The following CPED1 variants were observed in gnomAD, a reference collection of about 807,000 sequenced individuals.
The protein encoded by CPED1 is cadherin-like and PC-esterase domain-containing protein 1.
In CPED1, 114 loss-of-function variants were observed where a neutral mutation model predicts 128.2. The ratio of observed to expected loss-of-function variants is 0.89; its 90% CI spans 0.76 to 1.04. CPED1 has a LOEUF of 1.04. Among genes scored for constraint, CPED1 ranks in the 50% least tolerant of loss-of-function variants. CPED1 has a pLI of 0.00. For synonymous variants in CPED1, 462 were observed against 426.7 expected (o/e 1.08, Z -1.02); for missense variants, 1,211 against 1,207.1 (o/e 1.00, Z -0.05).
At chr7:121,229,284 T>C (rs184868262) in intron 16 of CPED1, among the ~76,000 whole-genome samples, 3 of 152,170 alleles carry the variant, frequency 2.0e-5, no homozygotes, top group Admixed American at 6.6e-5. Flanking sequence ...AATAGACAAA[T>C]GCTTATAGCC....
intron 16 of CPED1, among the ~76,000 whole-genome samples, chr7:121,207,762 A>G (rs946479584): frequency 1.3e-5 from 2 of 152,082 alleles, no homozygotes; most frequent in Non-Finnish European, 2.9e-5. Flanking sequence ...TAGGTCTGAT[A>G]AAAGTGTTAT....
chr7:121,201,108 T>C (rs1797385356), intron 16 of CPED1, among the ~76,000 whole-genome samples: 2 of 151,916 alleles, frequency 1.3e-5, no homozygotes, highest in South Asian at 4.2e-4. Flanking sequence ...AGATACAAGG[T>C]AGGAGGAGGT....
chr7:121,147,664 A>G (rs1796057368), intron 16 of CPED1, among the ~76,000 whole-genome samples: 2 of 152,144 alleles, frequency 1.3e-5, no homozygotes, highest in African/African-American at 4.8e-5. Flanking sequence ...TGCCCTCAAA[A>G]TGTTGCACCA....
intron 16 of CPED1, among the ~76,000 whole-genome samples, chr7:121,182,594 C>T (rs558297971): frequency 2.0e-5 from 3 of 151,868 alleles, no homozygotes; most frequent in Admixed American, 6.6e-5. Flanking sequence ...TATTGAATGT[C>T]ATTATGTTTC....
At chr7:121,064,709 C>T in intron 5 of CPED1, among the ~76,000 whole-genome samples, 1 of 152,092 alleles carries the variant, frequency 6.6e-6, no homozygotes, top group East Asian at 1.9e-4. Flanking sequence ...ATTGTTTCTC[C>T]TTTCTGGAAT....
chr7:121,048,209 G>C (rs1793265039), intron 4 of CPED1, among the ~76,000 whole-genome samples: 2 of 152,140 alleles, frequency 1.3e-5, no homozygotes, highest in African/African-American at 4.8e-5. Flanking sequence ...CAGGCTTCAG[G>C]CTTGAATATG....
chr7:121,294,146 A>C (rs762312578), intron 22 of CPED1, among the ~76,000 whole-genome samples: 16 of 152,258 alleles, frequency 1.1e-4, no homozygotes, highest in Admixed American at 2.0e-4. Flanking sequence ...TGATAATTAT[A>C]TGATTTCACT....
chr7:121,015,584 G>A, intron 2 of CPED1, 81 bp from the exon 3 acceptor site: 1 of 1,239,554 alleles, frequency 8.1e-7, no homozygotes, highest in Non-Finnish European at 1.1e-6. Context: ...TTCCCAAATA[G>A]CCCTTGATTT....
At chr7:121,243,815 A>G (rs1798455803) in intron 17 of CPED1, among the ~76,000 whole-genome samples, 1 of 152,250 alleles carries the variant, frequency 6.6e-6, no homozygotes, top group Admixed American at 6.5e-5. Context: ...GAACCTATGC[A>G]TGTGTTAGGC....
At position 121,296,425 on chromosome 7, in the gene CPED1, G is replaced by T. The variant is rs956235797; in HGVS notation, c.*773G>T. On this transcript the variant is annotated 3_prime_UTR_variant, in exon 23 of 23. Transcript: ENST00000310396. ...TAAGTAACAAAATGTAGTTCCTCAT[G>T]TATTACTGTACTATGTTTCATTGAT... The T allele has an allele frequency of 6.6e-6, 1 of 152,060 alleles. No homozygotes were observed. Among genetic ancestry groups the T allele is most frequent in the African/African-American group, 2.4e-5 (1 of 41,422 alleles). 9.4% of individuals were successfully genotyped at this position (152,060 alleles called of 1,614,324 possible). A position where few individuals can be genotyped will look rare whatever the true frequency, so the allele number is the denominator to read the frequency against.
intron 22 of CPED1, among the ~76,000 whole-genome samples, chr7:121,283,244 C>T (rs1287769919): frequency 6.6e-6 from 1 of 152,140 alleles, no homozygotes; most frequent in East Asian, 1.9e-4. Context: ...CTTATTTCAC[C>T]ATAAACATTT....
At chr7:121,050,194 G>A (rs1198428350) in intron 4 of CPED1, among the ~76,000 whole-genome samples, 1 of 152,070 alleles carries the variant, frequency 6.6e-6, no homozygotes, top group Non-Finnish European at 1.5e-5. Flanking sequence ...AATACTATGG[G>A]ATTTATCCTC....
intron 16 of CPED1, among the ~76,000 whole-genome samples, chr7:121,196,251 T>C (rs763160746): frequency 2.0e-4 from 30 of 151,944 alleles, no homozygotes; most frequent in Admixed American, 5.9e-4. Context: ...CTGGGGGGAA[T>C]TGAAACTTCA....
chr7:121,089,689 G>T (rs1355879293), intron 5 of CPED1, among the ~76,000 whole-genome samples: 1 of 152,096 alleles, frequency 6.6e-6, no homozygotes, highest in Non-Finnish European at 1.5e-5. Context: ...TTAATAAAGT[G>T]ATAAACTACT....
intron 2 of CPED1, among the ~76,000 whole-genome samples, chr7:120,995,705 G>A (rs1218417083): frequency 1.3e-5 from 2 of 152,030 alleles, no homozygotes; most frequent in Non-Finnish European, 2.9e-5. Context: ...TTTCCTAGAT[G>A]CATAGTTTTT....
At chr7:121,116,666 T>C (rs1289392891) in intron 7 of CPED1, among the ~76,000 whole-genome samples, 1 of 152,224 alleles carries the variant, frequency 6.6e-6, no homozygotes, top group African/African-American at 2.4e-5. Context: ...AAACCTAATA[T>C]GATCAAAAAC....
At chr7:121,148,648 A>G (rs1319903029) in intron 16 of CPED1, among the ~76,000 whole-genome samples, 1 of 152,098 alleles carries the variant, frequency 6.6e-6, no homozygotes, top group South Asian at 2.1e-4. Context: ...ACTTGTTGGG[A>G]ATTGGGGAAG....
At chr7:121,270,911 A>C (rs1266112749) in intron 21 of CPED1, among the ~76,000 whole-genome samples, 1 of 152,132 alleles carries the variant, frequency 6.6e-6, no homozygotes, top group African/African-American at 2.4e-5. Context: ...TCTGTAAAAA[A>C]TAACATTTGT....
At chr7:121,078,080 A>T (rs1323845463) in intron 5 of CPED1, among the ~76,000 whole-genome samples, 2 of 151,608 alleles carry the variant, frequency 1.3e-5, no homozygotes, top group Non-Finnish European at 2.9e-5. Context: ...ATGGAGTCTC[A>T]CTCTCGCCAG....
Sources: gnomAD v4.1 joint callset for allele counts (sites outside exome capture counted in the v4.1 genomes callset) on GRCh38, gnomAD v4.1.1 for gene constraint, MANE v1.5 for transcripts, NCBI Gene and HGNC (gene_info 2026-07-23, HGNC 2026-07-21) for gene names.